The following FAM20C variants were observed in gnomAD, a reference collection of about 807,000 sequenced individuals.
FAM20C encodes the protein extracellular serine/threonine protein kinase FAM20C.
Under a neutral mutation model 51.5 loss-of-function variants are expected in FAM20C, and 40 were observed. That is an observed-to-expected ratio of 0.78 (90% CI 0.60 to 1.01). The LOEUF (loss-of-function observed/expected upper bound fraction) is 1.01, where lower values mean the gene tolerates loss of function less well. Among genes scored for constraint, FAM20C ranks in the 50% least tolerant of loss-of-function variants. FAM20C has a pLI of 0.00. For synonymous variants in FAM20C, 406 were observed against 380.6 expected, an observed-to-expected ratio of 1.07 and a Z score of -0.78; for missense variants, 861 against 844.7, an observed-to-expected ratio of 1.02 and a Z score of -0.24.
intron 3 of FAM20C, among the ~76,000 whole-genome samples, chr7:236,900 G>C (rs1303862579): frequency 6.7e-6 from 1 of 149,414 alleles, no homozygotes; most frequent in Non-Finnish European, 1.5e-5. Flanking sequence ...TGGATGCGTG[G>C]CCAGAGGGCA....
At chr7:227,075 G>C (rs1199160608) in intron 3 of FAM20C, among the ~76,000 whole-genome samples, 1 of 151,992 alleles carries the variant, frequency 6.6e-6, no homozygotes, top group Non-Finnish European at 1.5e-5. Context: ...TGTTTCCGTG[G>C]GGTCTCCTGG....
At position 218,030 on chromosome 7, in the gene FAM20C, G is replaced by A. The variant is rs552167235; in HGVS notation, c.863+9054G>A. Among the ~76,000 whole-genome samples the A allele has an allele frequency of 9.4e-4, 143 of 152,314 alleles. 4 individuals carry two copies. The South Asian group carries it at 0.018, about 19-fold the overall frequency. On this transcript the variant is annotated intron_variant, in intron 3 of 9. Transcript: ENST00000313766. ...CCCCGGGATGCTTTGTTAGCAGGAC[G>A]TGTGAGGCCAGGAGTGGTGGGGTAG...
intron 2 of FAM20C, among the ~76,000 whole-genome samples, chr7:197,890 C>T (rs964742167): frequency 4.6e-5 from 7 of 152,232 alleles, no homozygotes; most frequent in South Asian, 2.1e-4. Flanking sequence ...TCTGGACAAG[C>T]TAGGCTTGGC....
intron 4 of FAM20C, among the ~76,000 whole-genome samples, chr7:247,049 T>G (rs1056022650): frequency 1.3e-5 from 2 of 152,080 alleles, no homozygotes; most frequent in Non-Finnish European, 2.9e-5. Flanking sequence ...GGGGGAGTAT[T>G]AAGTGCTGCG....
chr7:258,308 GAT>G (rs1788716550), intron 8 of FAM20C, among the ~76,000 whole-genome samples: 1 of 93,982 alleles, frequency 1.1e-5, no homozygotes, highest in Non-Finnish European at 2.1e-5. Context: ...AGATGGGTGG[GAT>G]GGACCCACTG....
intron 8 of FAM20C, 100 bp from the exon 9 acceptor site, chr7:258,545 GT>G: frequency 8.3e-7 from 1 of 1,198,132 alleles, no homozygotes; most frequent in African/African-American, 1.5e-5. Context: ...TGCCTGGGGT[GT>G]CGGGTACAGG....
At position 256,042 on chromosome 7, in the gene FAM20C, C is replaced by T. The variant is rs1308769610; in HGVS notation, c.1253+13C>T. The T allele has an allele frequency of 5.9e-6, 9 of 1,532,638 alleles. No homozygotes were observed. The highest frequency in any genetic ancestry group is 7.9e-6 in the Non-Finnish European group (9 of 1,145,134). The allele number at this position is 1,532,638 out of a possible 1,614,324, so 94.9% of individuals were successfully genotyped here. A position where few individuals can be genotyped will look rare whatever the true frequency, so the allele number is the denominator to read the frequency against. On this transcript the variant is annotated intron_variant, in intron 6 of 9. Coordinates refer to ENST00000313766, the MANE Select transcript of FAM20C (RefSeq NM_020223.4). ...GCAAGAAGGCCGAGTGAGTGCGGGG[C>T]CGGGGGGCTGGCGTCCGGCCACCCT...
At chr7:253,764 T>G (rs149966961) in intron 5 of FAM20C, among the ~76,000 whole-genome samples, 20,953 of 149,478 alleles carry the variant, frequency 0.14, 1,727 homozygotes, top group African/African-American at 0.24. Context: ...CCGATTTGGA[T>G]CTGCAAAGAG....
intron 5 of FAM20C, among the ~76,000 whole-genome samples, chr7:248,811 G>A (rs963725671): frequency 6.7e-6 from 1 of 149,964 alleles, no homozygotes; most frequent in African/African-American, 2.5e-5. Flanking sequence ...TGGCACAGGG[G>A]CCCGCATTCA....
intron 3 of FAM20C, among the ~76,000 whole-genome samples, chr7:209,402 A>G (rs979500228): frequency 2.6e-5 from 4 of 152,232 alleles, no homozygotes; most frequent in South Asian, 2.1e-4. Context: ...GTCTCTCCCT[A>G]CTATTCAGCG....
chr7:258,885 C>A (rs1562402486), intron 9 of FAM20C, among the ~76,000 whole-genome samples, 180 bp downstream of exon 9: 1 of 152,282 alleles, frequency 6.6e-6, no homozygotes, highest in East Asian at 1.9e-4. Flanking sequence ...AGGCGCAGAC[C>A]TCACCCGCCC....
chr7:207,817 G>GC (rs1786503881), intron 2 of FAM20C, among the ~76,000 whole-genome samples: 1 of 151,942 alleles, frequency 6.6e-6, no homozygotes, highest in Non-Finnish European at 1.5e-5. Flanking sequence ...TCCCGGGGCT[G>GC]CCCCAGGCCG....
intron 5 of FAM20C, among the ~76,000 whole-genome samples, 174 bp downstream of exon 5, chr7:248,604 C>T (rs1275373680): frequency 7.1e-6 from 1 of 141,744 alleles, no homozygotes; most frequent in Non-Finnish European, 1.5e-5. Flanking sequence ...CCGCATTCAT[C>T]TCTTCAGGTA....
intron 3 of FAM20C, among the ~76,000 whole-genome samples, chr7:236,787 G>A (rs1787861742): frequency 6.7e-6 from 1 of 148,784 alleles, no homozygotes; most frequent in Non-Finnish European, 1.5e-5. Context: ...CGGGTGCCCT[G>A]GAATCTGGGG....
intron 3 of FAM20C, chr7:246,117 T>G: frequency 3.7e-6 from 1 of 272,112 alleles, no homozygotes; most frequent in Admixed American, 4.6e-5. Context: ...GAAGGGCCCA[T>G]GGGGAGCTGG....
In FAM20C at chr7:193,466, C is replaced by A. The variant is rs769980789; in HGVS notation, c.267C>A (p.Arg89=). The change falls in exon 1 of 10, where the codon CGC becomes CGA. Residue 89 remains arginine (R), a synonymous_variant. Coordinates refer to ENST00000313766, the MANE Select transcript of FAM20C (RefSeq NM_020223.4). ...GCTGGCCCAACAAGCACACGCTCCG[C>A]ATCCTGCAGGACTTCAGCTCCGACC... ...DAGWPNKHTL[R]ILQDFSSDPS... The A allele has an allele frequency of 6.8e-7, 1 of 1,481,398 alleles. No homozygotes were observed. Among genetic ancestry groups the A allele is most frequent in the East Asian group, 3.0e-5 (1 of 33,476 alleles). The allele number at this position is 1,481,398 out of a possible 1,614,324, so 91.8% of individuals were successfully genotyped here. A position where few individuals can be genotyped will look rare whatever the true frequency, so the allele number is the denominator to read the frequency against.
intron 8 of FAM20C, 59 bp downstream of exon 8, chr7:257,145 G>A: frequency 6.8e-7 from 1 of 1,475,638 alleles, no homozygotes; most frequent in East Asian, 2.5e-5. Flanking sequence ...CCAGCTACCT[G>A]CAGCCCACCT....
At chr7:195,460 A>G (rs957891189) in intron 1 of FAM20C, 94 bp from the exon 2 acceptor site, 4 of 1,247,872 alleles carry the variant, frequency 3.2e-6, no homozygotes, top group Non-Finnish European at 4.2e-6. Context: ...TTGAACCCAA[A>G]GTTAAAAACA....
At chr7:208,456 C>T (rs1243997277) in intron 2 of FAM20C, among the ~76,000 whole-genome samples, 1 of 143,164 alleles carries the variant, frequency 7.0e-6, no homozygotes, top group Non-Finnish European at 1.6e-5. Context: ...GCACACCTGG[C>T]CGTCCCTTCT....
Sources: gnomAD v4.1 joint callset for allele counts (sites outside exome capture counted in the v4.1 genomes callset) on GRCh38, gnomAD v4.1.1 for gene constraint, MANE v1.5 for transcripts, NCBI Gene and HGNC (gene_info 2026-07-23, HGNC 2026-07-21) for gene names.